PATJ: variants seen among roughly 807,000 people sequenced by gnomAD.
PATJ encodes PATJ crumbs cell polarity complex component.
PATJ carries 190 observed loss-of-function variants against 224.9 expected under a neutral mutation model. The ratio of observed to expected loss-of-function variants is 0.84; its 90% CI spans 0.75 to 0.95. The LOEUF (loss-of-function observed/expected upper bound fraction) is 0.95, where lower values mean the gene tolerates loss of function less well. PATJ is among the 40% of genes least tolerant of loss of function. The pLI is 0.00. For synonymous variants in PATJ, 769 were observed against 820.3 expected (o/e 0.94, Z 1.07); for missense variants, 2,121 against 2,270.3 (o/e 0.93, Z 1.34).
chr1:61,787,221 C>T (rs142506264), intron 7 of PATJ, among the ~76,000 whole-genome samples: 2 of 152,304 alleles, frequency 1.3e-5, no homozygotes, highest in East Asian at 1.9e-4. Flanking sequence ...AAACTCTGCT[C>T]GATGCCTTCT....
At position 61,959,573 on chromosome 1, in the gene PATJ, C is replaced by T. The variant is rs1051460117; in HGVS notation, c.3671-30595C>T. 2.0e-5 allele frequency among the ~76,000 whole-genome samples: 3 copies of T among 150,516 alleles called. No individual in the cohort carries two copies. In the East Asian group the frequency reaches 5.9e-4, roughly 30 times the overall value. On this transcript the variant is annotated intron_variant, in intron 27 of 43. Transcript: ENST00000642238. Reference sequence around the variant, plus strand: ...CCTCAGCCTCCCAAGTAGCTGGGACCGACCACAGGTGCATGCCACCATGCC... The same window carrying T: ...CCTCAGCCTCCCAAGTAGCTGGGACTGACCACAGGTGCATGCCACCATGCC...
At chr1:61,950,919 G>A (rs918163313) in intron 27 of PATJ, among the ~76,000 whole-genome samples, 3 of 152,116 alleles carry the variant, frequency 2.0e-5, no homozygotes, top group African/African-American at 7.2e-5. Flanking sequence ...GGCCCAGGCG[G>A]GCGGATCACC....
chr1:61,848,217 G>T (rs910423966), intron 17 of PATJ, among the ~76,000 whole-genome samples: 1 of 152,158 alleles, frequency 6.6e-6, no homozygotes, highest in Non-Finnish European at 1.5e-5. Context: ...GAAGACACTC[G>T]TGAAACTCTA....
chr1:61,787,807 G>A lies in PATJ; in HGVS notation c.903G>A (p.Val301=), dbSNP rs780460623. The part of the protein sequence containing the change: ...DHILKIGGTN[V]QGMTSEQVAQ... ...TCTTGAAGATTGGTGGCACAAACGT[G>A]CAGGGAATGACCAGTGAGCAAGTTG... The change falls in exon 8 of 44, where the codon GTG becomes GTA. Residue 301 remains valine (V), a synonymous_variant. Transcript: ENST00000642238. 1.1e-4 allele frequency: 175 copies of A among 1,614,076 alleles called. No homozygotes were observed. Among genetic ancestry groups the A allele is most frequent in the Non-Finnish European group, 1.4e-4 (166 of 1,180,026 alleles).
rs114043407 is a variant in PATJ, at chr1:62,121,199, C to G, written c.4909C>G (p.His1637Asp). ...QNSQGSQQSA[H>D]SSCHPSFAPV... ...CTTTCAGGGTAGTCAGCAGAGTGCA[C>G]ACAGCAGCTGTCATCCCTCCTTCGC... Residue 1637 changes from histidine (H) to aspartate (D), a missense_variant, in exon 38 of 44, where the codon CAC (histidine) becomes GAC (aspartate). Transcript: ENST00000642238. 1.2e-4 allele frequency: 186 copies of G among 1,613,402 alleles called. No homozygotes were observed. The African/African-American group carries it at 2.0e-3, about 18-fold the overall frequency.
chr1:62,157,316 T>TC (rs1358940828), intron 43 of PATJ, among the ~76,000 whole-genome samples: 1 of 149,068 alleles, frequency 6.7e-6, no homozygotes, highest in Non-Finnish European at 1.5e-5. Flanking sequence ...AGAGCAAGAC[T>TC]CCATCTCAAA....
At chr1:61,921,720 A>G (rs1363419236) in intron 26 of PATJ, among the ~76,000 whole-genome samples, 1 of 152,164 alleles carries the variant, frequency 6.6e-6, no homozygotes, top group Non-Finnish European at 1.5e-5. Flanking sequence ...TTTGTAAAAA[A>G]GTCTAGAAAA....
chr1:61,761,920 A>T (rs1207669348), intron 1 of PATJ, among the ~76,000 whole-genome samples: 1 of 151,902 alleles, frequency 6.6e-6, no homozygotes, highest in Non-Finnish European at 1.5e-5. Flanking sequence ...ACTCTGGGGC[A>T]GAAGTGATCC....
At chr1:62,092,067 A>G (rs1253255764) in intron 33 of PATJ, among the ~76,000 whole-genome samples, 2 of 150,678 alleles carry the variant, frequency 1.3e-5, no homozygotes, top group Non-Finnish European at 3.0e-5. Flanking sequence ...AAAAAAAAAA[A>G]GGAAAGAAAA....
chr1:62,089,313 C>T (rs1329085697), intron 33 of PATJ, among the ~76,000 whole-genome samples: 1 of 151,636 alleles, frequency 6.6e-6, no homozygotes, highest in Non-Finnish European at 1.5e-5. Context: ...CATTGAATTC[C>T]ATCACTTCCT....
rs560689203 is a variant in PATJ, at chr1:61,910,083, G to A, written c.3492+1601G>A. ...TAATTCTTACAATATTGAGAATATA[G>A]TTGAGGCCATGGCTTTTATTTCTGG... On this transcript the variant is annotated intron_variant, in intron 25 of 43. Transcript: ENST00000642238. Among the ~76,000 whole-genome samples, 5 of 152,312 alleles carry A rather than the reference G, an allele frequency of 3.3e-5. No individual in the cohort carries two copies. In the South Asian group the frequency reaches 8.3e-4, roughly 25 times the overall value.
chr1:61,871,819 C>T (rs1238751779), intron 20 of PATJ, among the ~76,000 whole-genome samples: 1 of 150,806 alleles, frequency 6.6e-6, no homozygotes, highest in Non-Finnish European at 1.5e-5. Context: ...CCACCCTGGC[C>T]TCCCAAAGTG....
rs377004502 is a variant in PATJ at position 62,161,079 on chromosome 1, ATGT to A, written c.*33_*35del. 30 of 1,401,360 alleles carry A rather than the reference ATGT, an allele frequency of 2.1e-5. No individual in the cohort carries two copies. The African/African-American group carries it at 2.1e-4, about 10-fold the overall frequency. The allele number at this position is 1,401,360 out of a possible 1,614,324, so 86.8% of individuals were successfully genotyped here. On this transcript the variant is annotated 3_prime_UTR_variant, in exon 44 of 44. Coordinates refer to ENST00000642238, the MANE Select transcript of PATJ (RefSeq NM_001350145.3). ...AGCCTCGGGCCTGATCACAAGATAG[ATGT>A]TGTTGTTTAGAATATCCACAGGCAG...
intron 13 of PATJ, 31 bp from the exon 14 acceptor site, chr1:61,808,443 C>T: frequency 7.0e-7 from 1 of 1,426,506 alleles, no homozygotes; most frequent in South Asian, 1.2e-5. Context: ...TATGCTTTTA[C>T]AAATACTGGA....
At position 61,884,305 on chromosome 1, in the gene PATJ, G is replaced by C. The variant is rs1352649915; in HGVS notation, c.3028G>C (p.Glu1010Gln). Residue 1010 changes from glutamate to glutamine, a missense_variant, in exon 22 of 44, where the codon GAG (glutamate) becomes CAG (glutamine). Transcript: ENST00000642238. The stretch of plus-strand genomic sequence containing the variant: ...CCTTCCTGTTGTGGCTCAAAGGAGG[G>C]AGCAAGAAGATTTGCCTTTATATCA... ...IDLPVVAQRR[E>Q]QEDLPLYQHQ... 2 of 1,613,708 alleles carry C rather than the reference G, an allele frequency of 1.2e-6. No individual in the cohort carries two copies. The highest frequency in any genetic ancestry group is 1.7e-6 in the Non-Finnish European group (2 of 1,179,876).
intron 33 of PATJ, among the ~76,000 whole-genome samples, chr1:62,089,575 G>A (rs1393930436): frequency 1.3e-5 from 2 of 152,118 alleles, no homozygotes; most frequent in East Asian, 3.8e-4. Context: ...AAATATATAG[G>A]CCTGTCTGTC....
At chr1:61,828,138 G>T (rs1395147972) in intron 16 of PATJ, among the ~76,000 whole-genome samples, 1 of 151,902 alleles carries the variant, frequency 6.6e-6, no homozygotes, top group Non-Finnish European at 1.5e-5. Flanking sequence ...AGCAACTTGG[G>T]AGGCTGAGGC....
chr1:61,876,715 A>T (rs974144726), intron 21 of PATJ, among the ~76,000 whole-genome samples: 10 of 152,140 alleles, frequency 6.6e-5, no homozygotes, highest in Admixed American at 4.6e-4. Flanking sequence ...GATCAAAAGA[A>T]ATAGACTAGC....
chr1:62,012,115 G>A (rs1187334519), intron 28 of PATJ, among the ~76,000 whole-genome samples: 1 of 151,926 alleles, frequency 6.6e-6, no homozygotes, highest in Non-Finnish European at 1.5e-5. Flanking sequence ...CTGGTTTTTG[G>A]TTGATACTGA....
Sources: allele counts gnomAD v4.1 joint callset (sites outside exome capture counted in the v4.1 genomes callset), GRCh38; gene constraint gnomAD v4.1.1; transcripts MANE v1.5; gene names NCBI Gene and HGNC (gene_info 2026-07-23, HGNC 2026-07-21).